GPRIN3: variants seen among roughly 807,000 people sequenced by gnomAD.
The protein encoded by GPRIN3 is G protein-regulated inducer of neurite outgrowth 3.
Under a neutral mutation model 13.7 loss-of-function variants are expected in GPRIN3, and 12 were observed. The ratio of observed to expected loss-of-function variants is 0.87; its 90% CI spans 0.56 to 1.42. GPRIN3 has a LOEUF of 1.42. Ranked by LOEUF, GPRIN3 falls within the 40% of genes most tolerant of loss-of-function variation. The pLI, the probability that GPRIN3 is intolerant of heterozygous loss-of-function variation, is 0.00. For missense variants in GPRIN3, 1,009 were observed against 958.7 expected (o/e 1.05, Z -0.69); for synonymous variants, 377 against 372.7 (o/e 1.01, Z -0.13).
At chr4:89,286,682 A>T (rs974389216) in intron 1 of GPRIN3, among the ~76,000 whole-genome samples, 2 of 152,316 alleles carry the variant, frequency 1.3e-5, no homozygotes, top group South Asian at 4.1e-4. Flanking sequence ...AAAAGTCACC[A>T]ATTACTGATA....
chr4:89,258,011 T>A (rs1023232164), intron 1 of GPRIN3, among the ~76,000 whole-genome samples: 11 of 151,898 alleles, frequency 7.2e-5, no homozygotes, highest in Non-Finnish European at 1.6e-4. Context: ...TTAGAAGGTT[T>A]ACGCTCAGTG....
At chr4:89,253,052 G>C (rs2149258968) in intron 1 of GPRIN3, among the ~76,000 whole-genome samples, 1 of 149,766 alleles carries the variant, frequency 6.7e-6, no homozygotes, top group Middle Eastern at 3.4e-3. Flanking sequence ...CAGGTTGGTT[G>C]GTCGTCTGTG....
intron 1 of GPRIN3, among the ~76,000 whole-genome samples, chr4:89,298,786 C>T (rs1170901002): frequency 6.6e-6 from 1 of 152,014 alleles, no homozygotes; most frequent in East Asian, 1.9e-4. Flanking sequence ...TATCTCTCAC[C>T]TCCTAAATAA....
At chr4:89,270,825 C>T (rs1180521046) in intron 1 of GPRIN3, among the ~76,000 whole-genome samples, 1 of 151,480 alleles carries the variant, frequency 6.6e-6, no homozygotes, top group East Asian at 1.9e-4. Flanking sequence ...TTGCTAAGGG[C>T]CAAGTGAATG....
At chr4:89,297,604 A>G (rs1453026192) in intron 1 of GPRIN3, among the ~76,000 whole-genome samples, 3 of 152,148 alleles carry the variant, frequency 2.0e-5, no homozygotes, top group African/African-American at 7.2e-5. Flanking sequence ...ATACACAGAG[A>G]TGGAATCACT....
chr4:89,270,610 A>C (rs1436112927), intron 1 of GPRIN3, among the ~76,000 whole-genome samples: 1 of 127,480 alleles, frequency 7.8e-6, no homozygotes, highest in East Asian at 2.6e-4. Flanking sequence ...TAAAATATAG[A>C]TATATATGCA....
intron 1 of GPRIN3, among the ~76,000 whole-genome samples, chr4:89,298,282 A>G (rs550160683): frequency 6.6e-6 from 1 of 152,236 alleles, no homozygotes; most frequent in East Asian, 1.9e-4. Flanking sequence ...CTGTGACTTT[A>G]TTTTCTACAA....
chr4:89,252,211 G>A (rs1723348798), intron 1 of GPRIN3, among the ~76,000 whole-genome samples: 1 of 152,080 alleles, frequency 6.6e-6, no homozygotes, highest in Non-Finnish European at 1.5e-5. Context: ...GGACTCAAGT[G>A]ATCCTCCTGC....
intron 1 of GPRIN3, among the ~76,000 whole-genome samples, chr4:89,263,988 T>C (rs1723715432): frequency 6.6e-6 from 1 of 152,248 alleles, no homozygotes; most frequent in Non-Finnish European, 1.5e-5. Context: ...AGATCTTTTC[T>C]GATAACACCA....
chr4:89,299,702 A>G (rs1197669053), intron 1 of GPRIN3, among the ~76,000 whole-genome samples: 1 of 152,174 alleles, frequency 6.6e-6, no homozygotes, highest in African/African-American at 2.4e-5. Context: ...GGCTATACAG[A>G]AACACAAGCT....
intron 1 of GPRIN3, among the ~76,000 whole-genome samples, chr4:89,281,199 C>T (rs1188883358): frequency 1.3e-5 from 2 of 152,100 alleles, no homozygotes; most frequent in Non-Finnish European, 2.9e-5. Flanking sequence ...ACTCAGCTCA[C>T]TGCAACCTCC....
rs1722837213 is a variant in GPRIN3, at chr4:89,238,275, T to C, written c.*9505A>G. ...TCCTTCTTTACAGATCCTTGATGAA[T>C]TGAAGATATTCAAGGAGGTAAAAAG... is the stretch of plus-strand genomic sequence containing the variant. On this transcript the variant is annotated 3_prime_UTR_variant, in exon 2 of 2. Coordinates refer to ENST00000609438, the MANE Select transcript of GPRIN3 (RefSeq NM_198281.3). 6.6e-6 allele frequency: 1 copy of C among 152,190 alleles called. No individual in the cohort carries two copies. The highest frequency in any genetic ancestry group is 2.4e-5 in the African/African-American group (1 of 41,446). 9.4% of individuals were successfully genotyped at this position (152,190 alleles called of 1,614,324 possible).
At position 89,307,269 on chromosome 4, in the gene GPRIN3, T is replaced by TCACACA. The variant is rs57752539; in HGVS notation, c.-124+340_-124+345dup. ...TAAGCATAGGAAAATGAGACAAATG[T>TCACACA]CACACACACACACACACACACACAC... On this transcript the variant is annotated intron_variant, in intron 1 of 1. Coordinates refer to ENST00000609438, the MANE Select transcript of GPRIN3 (RefSeq NM_198281.3). Among the ~76,000 whole-genome samples the TCACACA allele has an allele frequency of 4.5e-3, 668 of 147,266 alleles. 15 individuals are homozygous for TCACACA. In the South Asian group the frequency reaches 0.067, roughly 15 times the overall value.
rs1722895886 is a variant in GPRIN3 at position 89,240,556 on chromosome 4, A to G, written c.*7224T>C. The stretch of plus-strand genomic sequence containing the variant: ...CATGTCCAAAAGGAGTCTCCAAAAC[A>G]TAATCGATTTTCATCCCTGTTTGCC... On this transcript the variant is annotated 3_prime_UTR_variant, in exon 2 of 2. Transcript: ENST00000609438. The G allele has an allele frequency of 6.6e-6, 1 of 152,218 alleles. No homozygotes were observed. The highest frequency in any genetic ancestry group is 1.5e-5 in the Non-Finnish European group (1 of 68,038). 9.4% of individuals were successfully genotyped at this position (152,218 alleles called of 1,614,324 possible).
chr4:89,302,407 C>T (rs895024826), intron 1 of GPRIN3, among the ~76,000 whole-genome samples: 2 of 152,074 alleles, frequency 1.3e-5, no homozygotes, highest in Non-Finnish European at 2.9e-5. Flanking sequence ...GCAATGGTTT[C>T]CAAATCTGGG....
chr4:89,242,392 A>G lies in GPRIN3; in HGVS notation c.*5388T>C, dbSNP rs945202922. 12 of 152,324 alleles carry G rather than the reference A, an allele frequency of 7.9e-5. No individual in the cohort carries two copies. The highest frequency in any genetic ancestry group is 2.9e-4 in the African/African-American group (12 of 41,584). 9.4% of individuals were successfully genotyped at this position (152,324 alleles called of 1,614,324 possible). A position where few individuals can be genotyped will look rare whatever the true frequency, so the allele number is the denominator to read the frequency against. On this transcript the variant is annotated 3_prime_UTR_variant, in exon 2 of 2. Coordinates refer to ENST00000609438, the MANE Select transcript of GPRIN3 (RefSeq NM_198281.3). ...AATTGCTTTCTACATGCTAGTGTCC[A>G]GAAAGAGTAATTACCATAAGTTTAA...
At chr4:89,281,115 C>T (rs1326620919) in intron 1 of GPRIN3, among the ~76,000 whole-genome samples, 1 of 151,644 alleles carries the variant, frequency 6.6e-6, no homozygotes, top group Non-Finnish European at 1.5e-5. Context: ...AGCAAGGTCC[C>T]ACATAGTTTC....
intron 1 of GPRIN3, among the ~76,000 whole-genome samples, chr4:89,278,990 G>A (rs939537174): frequency 3.3e-5 from 5 of 152,206 alleles, no homozygotes; most frequent in South Asian, 2.1e-4. Context: ...AAAGCCTCCA[G>A]ATACAAAGTC....
intron 1 of GPRIN3, among the ~76,000 whole-genome samples, chr4:89,280,348 C>G (rs187157649): frequency 6.6e-6 from 1 of 152,290 alleles, no homozygotes; most frequent in Admixed American, 6.5e-5. Flanking sequence ...TATGATCATG[C>G]AAGTCCCAGA....
Sources: allele counts gnomAD v4.1 joint callset (sites outside exome capture counted in the v4.1 genomes callset), GRCh38; gene constraint gnomAD v4.1.1; transcripts MANE v1.5; gene names NCBI Gene and HGNC (gene_info 2026-07-23, HGNC 2026-07-21).